TJP1: variants seen among roughly 807,000 people sequenced by gnomAD.
TJP1 encodes the protein tight junction protein ZO-1.
TJP1 carries 43 observed loss-of-function variants against 194.2 expected under a neutral mutation model. That is an observed-to-expected ratio of 0.22 (90% CI 0.17 to 0.29). The LOEUF is 0.29. Among genes scored for constraint, TJP1 ranks in the 10% least tolerant of loss-of-function variants. TJP1 has a pLI of 1.00. For synonymous variants in TJP1, 801 were observed against 779.0 expected (o/e 1.03, Z -0.47); for missense variants, 1,971 against 2,185.7 (o/e 0.90, Z 1.96).
intron 2 of TJP1, among the ~76,000 whole-genome samples, chr15:29,897,514 C>T (rs2053513472): frequency 6.6e-6 from 1 of 152,176 alleles, no homozygotes; most frequent in Non-Finnish European, 1.5e-5. Flanking sequence ...TGGGGCACTG[C>T]CTAGTGGAGC....
chr15:29,701,998 T>C lies in TJP1; in HGVS notation c.5213-309A>G, dbSNP rs142636036. Reference sequence around the variant, plus strand: ...CTCCTTTATTACATTATCAAGTGCATTGGCCTTTTCAAAAAATGAATACAA... The same window carrying C: ...CTCCTTTATTACATTATCAAGTGCACTGGCCTTTTCAAAAAATGAATACAA... On this transcript the variant is annotated intron_variant, in intron 27 of 27. Coordinates refer to ENST00000614355, the MANE Select transcript of TJP1 (RefSeq NM_001330239.4). 9.8e-5 allele frequency among the ~76,000 whole-genome samples: 15 copies of C among 152,338 alleles called. No individual in the cohort carries two copies. The East Asian group carries it at 1.3e-3, about 14-fold the overall frequency.
chr15:29,834,408 CAG>C (rs1183734430), intron 2 of TJP1, among the ~76,000 whole-genome samples: 1 of 152,026 alleles, frequency 6.6e-6, no homozygotes, highest in Non-Finnish European at 1.5e-5. Context: ...TTGGTAGAGA[CAG>C]AGTTTCACCA....
At position 29,750,428 on chromosome 15, in the gene TJP1, T is replaced by C. The variant is rs577912074; in HGVS notation, c.1011-7647A>G. ...TGCTGAGATTACAGGTGTGAGCCAC[T>C]GCGCCCAGCCCTATCCGTGGTTCTT... On this transcript the variant is annotated intron_variant, in intron 8 of 27. Coordinates refer to ENST00000614355, the MANE Select transcript of TJP1 (RefSeq NM_001330239.4). 5.8e-4 allele frequency among the ~76,000 whole-genome samples: 89 copies of C among 152,178 alleles called. 1 individual carries two copies. Among genetic ancestry groups the C allele is most frequent in the Non-Finnish European group, 2.5e-4 (17 of 68,020 alleles).
chr15:29,812,612 G>A (rs1293303718), intron 1 of TJP1, among the ~76,000 whole-genome samples: 1 of 152,144 alleles, frequency 6.6e-6, no homozygotes, highest in African/African-American at 2.4e-5. Flanking sequence ...TCTCCCTGGT[G>A]CTCTCTTACA....
intron 2 of TJP1, among the ~76,000 whole-genome samples, chr15:29,912,324 G>C (rs1384130262): frequency 6.6e-6 from 1 of 152,168 alleles, no homozygotes; most frequent in Non-Finnish European, 1.5e-5. Flanking sequence ...ATAACCACAA[G>C]AAAACAACTA....
chr15:29,757,784 G>A (rs554672770), intron 8 of TJP1, among the ~76,000 whole-genome samples: 1 of 152,240 alleles, frequency 6.6e-6, no homozygotes, highest in African/African-American at 2.4e-5. Context: ...GTGCACATAA[G>A]AGAAAGATGC....
At chr15:29,939,269 T>C (rs2054986991) in intron 2 of TJP1, among the ~76,000 whole-genome samples, 1 of 152,188 alleles carries the variant, frequency 6.6e-6, no homozygotes. Context: ...ATACGATCTT[T>C]TAGTCATTAT....
At chr15:29,961,361 A>G in intron 1 of TJP1, among the ~76,000 whole-genome samples, 1 of 5,338 alleles carries the variant, frequency 1.9e-4, no homozygotes, top group African/African-American at 5.4e-4. Flanking sequence ...TTTTTTTTTG[A>G]GACGGAGTCT....
chr15:29,820,104 G>T (rs570685429), intron 1 of TJP1, among the ~76,000 whole-genome samples: 1 of 150,366 alleles, frequency 6.7e-6, no homozygotes, highest in Non-Finnish European at 1.5e-5. Flanking sequence ...TTAGACAAGA[G>T]TTTCCCAAAC....
At chr15:29,844,166 G>A (rs1466696656) in intron 2 of TJP1, among the ~76,000 whole-genome samples, 1 of 152,162 alleles carries the variant, frequency 6.6e-6, no homozygotes, top group African/African-American at 2.4e-5. Context: ...CTCATCTCGG[G>A]TTGAAGCGCT....
intron 23 of TJP1, 45 bp downstream of exon 23, chr15:29,716,566 T>C: frequency 7.2e-7 from 1 of 1,396,204 alleles, no homozygotes; most frequent in East Asian, 2.3e-5. Context: ...TGCACGGGAT[T>C]AATATGCTGC....
At chr15:29,823,019 A>G (rs1338529291), upstream of TJP1, 5 of 152,352 alleles carry the variant, frequency 3.3e-5, no homozygotes, top group African/African-American at 1.2e-4. Flanking sequence ...GCCGACTGCC[A>G]AGGCTGAAAC....
At chr15:29,821,517 T>C (rs1328693565) in intron 1 of TJP1, 1 of 152,190 alleles carries the variant, frequency 6.6e-6, no homozygotes. Flanking sequence ...GGCGTGCGCA[T>C]ACCGCAGGGA....
chr15:29,905,340 T>A (rs1169140233), intron 2 of TJP1, among the ~76,000 whole-genome samples: 3 of 152,188 alleles, frequency 2.0e-5, no homozygotes, highest in Non-Finnish European at 4.4e-5. Context: ...AAAAGAATGT[T>A]CCTCACAGGG....
intron 2 of TJP1, among the ~76,000 whole-genome samples, chr15:29,888,299 CAT>C (rs1402054829): frequency 2.6e-5 from 4 of 151,868 alleles, no homozygotes; most frequent in African/African-American, 9.7e-5. Context: ...TATGTTTACA[CAT>C]ATGTAGAAAT....
intron 1 of TJP1, among the ~76,000 whole-genome samples, chr15:29,819,401 A>G (rs2050169151): frequency 6.6e-6 from 1 of 152,194 alleles, no homozygotes; most frequent in African/African-American, 2.4e-5. Context: ...AAAAGTAGAG[A>G]TAATAGTTCA....
chr15:29,822,516 C>CG, upstream of TJP1: 1 of 978,668 alleles, frequency 1.0e-6, no homozygotes, highest in African/African-American at 1.8e-5. Flanking sequence ...CCGGCGGGGG[C>CG]GGGGCTGGAC....
At chr15:29,846,290 C>A (rs2051405479) in intron 2 of TJP1, among the ~76,000 whole-genome samples, 1 of 152,116 alleles carries the variant, frequency 6.6e-6, no homozygotes, top group South Asian at 2.1e-4. Flanking sequence ...TGCGATAGCC[C>A]CAGTGAGGGT....
chr15:29,854,127 C>T (rs747718550), intron 2 of TJP1, among the ~76,000 whole-genome samples: 1 of 152,114 alleles, frequency 6.6e-6, no homozygotes, highest in Non-Finnish European at 1.5e-5. Flanking sequence ...TTTCACCAAA[C>T]TCTAAATCCA....
Sources: gnomAD v4.1 joint callset for allele counts (sites outside exome capture counted in the v4.1 genomes callset) on GRCh38, gnomAD v4.1.1 for gene constraint, MANE v1.5 for transcripts, NCBI Gene and HGNC (gene_info 2026-07-23, HGNC 2026-07-21) for gene names.